Variants in FAM131A observed in about 807,000 individuals in gnomAD.
The protein encoded by FAM131A is protein FAM131A.
FAM131A carries 24 observed loss-of-function variants against 39.2 expected under a neutral mutation model. The observed-to-expected ratio is 0.61, with a 90% confidence interval of 0.44 to 0.86. The LOEUF is 0.86. FAM131A is among the 40% of genes least tolerant of loss of function. The pLI is 0.00. For missense variants in FAM131A, 373 were observed against 481.2 expected (o/e 0.78, Z 2.10); for synonymous variants, 202 against 206.8 (o/e 0.98, Z 0.20).
Position 184,344,488 on chromosome 3 carries a change from C to T in FAM131A, c.626-7C>T, listed in dbSNP as rs750250187. The stretch of plus-strand genomic sequence containing the variant: ...CAGGACTGTCTTCTTTTCTCTTCTC[C>T]TCACAGACATGGCTGGGCAGCTGCC... On this transcript the variant is annotated splice_region_variant and splice_polypyrimidine_tract_variant and intron_variant, in intron 5 of 5. Coordinates refer to ENST00000383847, the MANE Select transcript of FAM131A (RefSeq NM_144635.5). 2 of 1,518,204 alleles carry T rather than the reference C, an allele frequency of 1.3e-6. No homozygotes were observed. The highest frequency in any genetic ancestry group is 4.6e-5 in the East Asian group (2 of 43,926). 94.0% of individuals were successfully genotyped at this position (1,518,204 alleles called of 1,614,324 possible).
At chr3:184,343,099 G>A in intron 5 of FAM131A, 1 of 257,858 alleles carries the variant, frequency 3.9e-6, no homozygotes, top group Non-Finnish European at 6.8e-6. Context: ...CTGCCTGTCT[G>A]CACAGTTGTG....
At chr3:184,343,023 A>C in intron 5 of FAM131A, 163 bp downstream of exon 5, 1 of 512,936 alleles carries the variant, frequency 1.9e-6, no homozygotes. Flanking sequence ...GGCTGTCCAC[A>C]CTCATGGGTG....
chr3:184,343,509 C>G (rs937117646), intron 5 of FAM131A, among the ~76,000 whole-genome samples: 5 of 152,218 alleles, frequency 3.3e-5, no homozygotes, highest in African/African-American at 7.2e-5. Flanking sequence ...GGGCTCAAGT[C>G]TCACAGGCCA....
chr3:184,337,552 G>C (rs1727174750), upstream of FAM131A: 1 of 1,377,284 alleles, frequency 7.3e-7, no homozygotes, highest in Admixed American at 2.0e-5. Flanking sequence ...TCAGCATCCG[G>C]AGCCAAAACA....
rs1253035932 is a variant in FAM131A at position 184,345,789 on chromosome 3, T to C, written c.*819T>C. 7 of 577,732 alleles carry C rather than the reference T, an allele frequency of 1.2e-5. No individual in the cohort carries two copies. Among genetic ancestry groups the C allele is most frequent in the Non-Finnish European group, 1.8e-5 (6 of 328,616 alleles). The allele number at this position is 577,732 out of a possible 1,614,324, so 35.8% of individuals were successfully genotyped here. On this transcript the variant is annotated 3_prime_UTR_variant, in exon 6 of 6. Coordinates refer to ENST00000383847, the MANE Select transcript of FAM131A (RefSeq NM_144635.5). ...TCTGAGCGGGAGGTGGAAGAAAGGA[T>C]GGCTCTGGTTGCCACAGAGCTGGGA... is the stretch of plus-strand genomic sequence containing the variant.
At chr3:184,339,895 C>T (rs1304828550) in intron 2 of FAM131A, 2 of 152,514 alleles carry the variant, frequency 1.3e-5, no homozygotes, top group African/African-American at 4.8e-5. Flanking sequence ...TGGACAGTAG[C>T]GTAGGCTAGA....
In FAM131A at chr3:184,344,794, C is replaced by T; in HGVS notation, c.925C>T (p.Pro309Ser). ...LEAQDSLYNS[P>S]LTESCLSPAE... ...GGCCCAGGACTCACTCTACAACTCG[C>T]CCCTCACAGAGTCCTGCCTTTCCCC... Residue 309 changes from proline (P) to serine (S), a missense_variant, in exon 6 of 6, where the codon CCC (proline) becomes TCC (serine). Physicochemically the swap from Pro to Ser is moderately conservative, Grantham distance 74. Coordinates refer to ENST00000383847, the MANE Select transcript of FAM131A (RefSeq NM_144635.5). The T allele has an allele frequency of 6.2e-7, 1 of 1,612,284 alleles. No individual in the cohort carries two copies. The highest frequency in any genetic ancestry group is 8.5e-7 in the Non-Finnish European group (1 of 1,179,918).
intron 1 of FAM131A, 96 bp downstream of exon 1, chr3:184,337,814 T>A: frequency 7.9e-7 from 1 of 1,259,236 alleles, no homozygotes; most frequent in South Asian, 1.3e-5. Context: ...GGCTTAGATA[T>A]TAAGAACCAG....
rs1054002983 is a variant in FAM131A, at chr3:184,341,600, G to A, written c.232-124G>A. 1.1e-5 allele frequency: 8 copies of A among 711,364 alleles called. No individual in the cohort carries two copies. In the Admixed American group the frequency reaches 1.3e-4, roughly 12 times the overall value. 44.1% of individuals were successfully genotyped at this position (711,364 alleles called of 1,614,324 possible). Reference sequence around the variant, plus strand: ...CATCTTACATTTCCCTGTAGCCACTGGGACATATGTGGTGTTCCTTCCTAG... The same window carrying A: ...CATCTTACATTTCCCTGTAGCCACTAGGACATATGTGGTGTTCCTTCCTAG... On this transcript the variant is annotated intron_variant, in intron 2 of 5. Coordinates refer to ENST00000383847, the MANE Select transcript of FAM131A (RefSeq NM_144635.5).
In FAM131A at chr3:184,345,925, G is replaced by T. The variant is rs1727637154; in HGVS notation, c.*955G>T. The T allele has an allele frequency of 2.9e-6, 1 of 349,736 alleles. No individual in the cohort carries two copies. The highest frequency in any genetic ancestry group is 5.2e-6 in the Non-Finnish European group (1 of 193,802). The allele number at this position is 349,736 out of a possible 1,614,324, so 21.7% of individuals were successfully genotyped here. On this transcript the variant is annotated 3_prime_UTR_variant, in exon 6 of 6. Coordinates refer to ENST00000383847, the MANE Select transcript of FAM131A (RefSeq NM_144635.5). ...GTGCCAGTGAGTGACAGTCATGAGG[G>T]AGTGTCTCTTCTTGGGGAGGAAAGA...
At position 184,342,952 on chromosome 3, in the gene FAM131A, G is replaced by A. The variant is rs1727451567; in HGVS notation, c.625+92G>A. On this transcript the variant is annotated intron_variant, in intron 5 of 5. Coordinates refer to ENST00000383847, the MANE Select transcript of FAM131A (RefSeq NM_144635.5). The surrounding 1 kb of genome is among the most constrained non-coding windows in gnomAD (Gnocchi z 4.6). ...CACATCCAGAACACTCTCAGCCTTT[G>A]CAAGGGGAGGGAGAGGGACAGACTC... is the stretch of plus-strand genomic sequence containing the variant. 3.5e-6 allele frequency: 4 copies of A among 1,127,992 alleles called. No individual in the cohort carries two copies. Among genetic ancestry groups the A allele is most frequent in the Non-Finnish European group, 1.3e-6 (1 of 754,910 alleles). The allele number at this position is 1,127,992 out of a possible 1,614,324, so 69.9% of individuals were successfully genotyped here. A position where few individuals can be genotyped will look rare whatever the true frequency, so the allele number is the denominator to read the frequency against.
rs764110084 is a variant in FAM131A, at chr3:184,345,761, C to G, written c.*791C>G. 2 of 588,488 alleles carry G rather than the reference C, an allele frequency of 3.4e-6. No homozygotes were observed. The highest frequency in any genetic ancestry group is 6.0e-6 in the Non-Finnish European group (2 of 334,096). 36.5% of individuals were successfully genotyped at this position (588,488 alleles called of 1,614,324 possible). A position where few individuals can be genotyped will look rare whatever the true frequency, so the allele number is the denominator to read the frequency against. On this transcript the variant is annotated 3_prime_UTR_variant, in exon 6 of 6. Transcript: ENST00000383847. ...AGCCGGGCTGCCCATTCACGCAGAG[C>G]TCTCTGAGCGGGAGGTGGAAGAAAG...
Position 184,342,594 on chromosome 3 carries a change from C to A in FAM131A, c.509-150C>A. 1 of 717,374 alleles carries A rather than the reference C, an allele frequency of 1.4e-6. No individual in the cohort carries two copies. The highest frequency in any genetic ancestry group is 2.7e-5 in the Admixed American group (1 of 36,546). 44.4% of individuals were successfully genotyped at this position (717,374 alleles called of 1,614,324 possible). A position where few individuals can be genotyped will look rare whatever the true frequency, so the allele number is the denominator to read the frequency against. On this transcript the variant is annotated intron_variant, in intron 4 of 5. Coordinates refer to ENST00000383847, the MANE Select transcript of FAM131A (RefSeq NM_144635.5). This position sits in a 1 kb window ranked among gnomAD's most constrained non-coding sequence, Gnocchi z 4.6. ...GTGCTGGGATTACAGGCATAAGCCA[C>A]CACACCCGGCCAGGGCTGCTTTCTT...
chr3:184,340,566 C>G (rs1337431757), intron 2 of FAM131A: 1 of 151,898 alleles, frequency 6.6e-6, no homozygotes, highest in Non-Finnish European at 1.5e-5. Flanking sequence ...ACCTCATGAT[C>G]CGCTCACCTC....
rs1362226314 is a variant in FAM131A at position 184,342,175 on chromosome 3, T to C, written c.435T>C (p.Pro145=). ...WKGWSKPSDS[P]AALESAFSSY... ...GCTGGAGCAAGCCGAGTGACTCACC[T>C]GCTGCCCTGGAATCAGCCTTTTCCT... The change falls in exon 4 of 6, where the codon CCT becomes CCC. Residue 145 remains proline (P), a synonymous_variant. Coordinates refer to ENST00000383847, the MANE Select transcript of FAM131A (RefSeq NM_144635.5). The surrounding 1 kb of genome is among the most constrained non-coding windows in gnomAD (Gnocchi z 4.6). 1.2e-6 allele frequency: 2 copies of C among 1,614,258 alleles called. No homozygotes were observed. Among genetic ancestry groups the C allele is most frequent in the East Asian group, 4.5e-5 (2 of 44,896 alleles).
rs1037583549 is a variant in FAM131A, at chr3:184,345,076, G to C, written c.*106G>C. 1 of 1,122,682 alleles carries C rather than the reference G, an allele frequency of 8.9e-7. No individual in the cohort carries two copies. 69.5% of individuals were successfully genotyped at this position (1,122,682 alleles called of 1,614,324 possible). On this transcript the variant is annotated 3_prime_UTR_variant, in exon 6 of 6. Transcript: ENST00000383847. ...GCTCCCAGCAGAGCTCCACAGCCTA[G>C]AGGGCTCCTGGGAGCGCTCGCTTCT...
chr3:184,342,889 G>T lies in FAM131A; in HGVS notation c.625+29G>T. The T allele has an allele frequency of 1.3e-6, 2 of 1,575,624 alleles. No homozygotes were observed. The highest frequency in any genetic ancestry group is 1.7e-6 in the Non-Finnish European group (2 of 1,146,280). On this transcript the variant is annotated intron_variant, in intron 5 of 5. Coordinates refer to ENST00000383847, the MANE Select transcript of FAM131A (RefSeq NM_144635.5). The surrounding 1 kb of genome is among the most constrained non-coding windows in gnomAD (Gnocchi z 4.6). ...AGGGACATCCTGGGCTAGGGCTGTG[G>T]TGGACCCACCTGATAGACCTTGGCA...
upstream of FAM131A, among the ~76,000 whole-genome samples, chr3:184,336,580 G>C (rs372710642): frequency 5.3e-5 from 8 of 152,196 alleles, 1 homozygote; most frequent in East Asian, 7.7e-4. The surrounding 1 kb of genome is among the most constrained non-coding windows in gnomAD (Gnocchi z 5.5). Flanking sequence ...TCTTCTTAAA[G>C]AGGTAGCCTT....
Position 184,342,974 on chromosome 3 carries a change from ACT to A in FAM131A, c.625+116_625+117del, listed in dbSNP as rs1333176783. 1.1e-6 allele frequency: 1 copy of A among 913,614 alleles called. No homozygotes were observed. Among genetic ancestry groups the A allele is most frequent in the Non-Finnish European group, 1.7e-6 (1 of 571,494 alleles). The allele number at this position is 913,614 out of a possible 1,614,324, so 56.6% of individuals were successfully genotyped here. A position where few individuals can be genotyped will look rare whatever the true frequency, so the allele number is the denominator to read the frequency against. ...TTTGCAAGGGGAGGGAGAGGGACAG[ACT>A]CAGTCCAGGCAGGCCTGGACACTCC... On this transcript the variant is annotated intron_variant, in intron 5 of 5. Transcript: ENST00000383847. This position sits in a 1 kb window ranked among gnomAD's most constrained non-coding sequence, Gnocchi z 4.6.
Sources: gnomAD v4.1 joint callset for allele counts (sites outside exome capture counted in the v4.1 genomes callset) on GRCh38, gnomAD v4.1.1 for gene constraint, Gnocchi (gnomAD v3.1) non-coding constraint, MANE v1.5 for transcripts, NCBI Gene and HGNC (gene_info 2026-07-23, HGNC 2026-07-21) for gene names.